The following BTBD16 variants were observed in gnomAD, a reference collection of about 807,000 sequenced individuals.
BTBD16 encodes the protein BTB domain containing 16.
Under a neutral mutation model 67.4 loss-of-function variants are expected in BTBD16, and 66 were observed. The ratio of observed to expected loss-of-function variants is 0.98; its 90% confidence interval spans 0.80 to 1.20. BTBD16 has a LOEUF of 1.20. Among genes scored for constraint, BTBD16 ranks in the 50% most tolerant of loss-of-function variants. The pLI, the probability that BTBD16 is intolerant of heterozygous loss-of-function variation, is 0.00. For synonymous variants in BTBD16, 242 were observed against 236.4 expected (o/e 1.02, Z -0.22); for missense variants, 634 against 616.0 (o/e 1.03, Z -0.31).
At chr10:122,285,345 G>A (rs1370511882) in intron 4 of BTBD16, among the ~76,000 whole-genome samples, 1 of 152,134 alleles carries the variant, frequency 6.6e-6, no homozygotes, top group East Asian at 1.9e-4. Flanking sequence ...TCTTCTTTTA[G>A]TGATCACTGA....
chr10:122,288,048 T>C (rs2096367074), intron 5 of BTBD16, among the ~76,000 whole-genome samples: 1 of 149,448 alleles, frequency 6.7e-6, no homozygotes, highest in Non-Finnish European at 1.5e-5. Context: ...CCTTCTTTTC[T>C]TCCTTCCTTC....
At chr10:122,301,988 T>C (rs1301157219) in intron 9 of BTBD16, among the ~76,000 whole-genome samples, 3 of 152,202 alleles carry the variant, frequency 2.0e-5, no homozygotes, top group Non-Finnish European at 2.9e-5. Flanking sequence ...AGGAGTCACG[T>C]GGCCCCGGAG....
intron 15 of BTBD16, 144 bp downstream of exon 15, chr10:122,336,826 A>G: frequency 1.4e-6 from 1 of 693,088 alleles, no homozygotes; most frequent in Admixed American, 3.7e-5. Context: ...GGATTATCAC[A>G]GCCTCAAATA....
chr10:122,300,001 T>C (rs1417609062), intron 9 of BTBD16, among the ~76,000 whole-genome samples: 3 of 152,196 alleles, frequency 2.0e-5, no homozygotes, highest in Non-Finnish European at 1.5e-5. Context: ...CCCATCCTCC[T>C]ACCTGAAATG....
intron 10 of BTBD16, among the ~76,000 whole-genome samples, chr10:122,315,667 A>G (rs1034122292): frequency 6.6e-6 from 1 of 152,186 alleles, no homozygotes; most frequent in African/African-American, 2.4e-5. Context: ...AGTTATAGAT[A>G]GAATGTTCTT....
intron 10 of BTBD16, among the ~76,000 whole-genome samples, chr10:122,315,695 A>C (rs900625158): frequency 1.3e-5 from 2 of 152,196 alleles, no homozygotes; most frequent in Admixed American, 6.5e-5. Flanking sequence ...AGTATTATTA[A>C]GATTTTATGG....
chr10:122,299,828 CTG>C (rs1370854037), intron 9 of BTBD16, among the ~76,000 whole-genome samples: 1 of 152,194 alleles, frequency 6.6e-6, no homozygotes, highest in African/African-American at 2.4e-5. Context: ...TGACCTCTAA[CTG>C]TCTTGCTTCT....
intron 5 of BTBD16, among the ~76,000 whole-genome samples, chr10:122,287,675 A>G (rs1308555529): frequency 6.6e-6 from 1 of 152,156 alleles, no homozygotes; most frequent in East Asian, 1.9e-4. Context: ...TCTCACGGTT[A>G]TCACTTTCAT....
At chr10:122,306,411 A>C (rs7077954) in intron 9 of BTBD16, among the ~76,000 whole-genome samples, 3,688 of 152,262 alleles carry the variant, frequency 0.024, 143 homozygotes, top group African/African-American at 0.081. Flanking sequence ...TCATCCACTC[A>C]CCTCATCCAC....
chr10:122,280,252 A>G (rs1327517213), intron 3 of BTBD16, among the ~76,000 whole-genome samples: 3 of 152,234 alleles, frequency 2.0e-5, no homozygotes, highest in Non-Finnish European at 4.4e-5. Flanking sequence ...AGTGTCTGGC[A>G]CATATACGCT....
intron 3 of BTBD16, among the ~76,000 whole-genome samples, chr10:122,282,646 A>G (rs372721003): frequency 3.9e-5 from 6 of 152,368 alleles, no homozygotes; most frequent in African/African-American, 1.4e-4. Flanking sequence ...TAACACGATG[A>G]GTCCATGGTG....
chr10:122,313,859 C>T lies in BTBD16; in HGVS notation c.911+6551C>T, dbSNP rs537155067. Among the ~76,000 whole-genome samples, 10 of 152,262 alleles carry T rather than the reference C, an allele frequency of 6.6e-5. 1 individual carries two copies. The South Asian group carries it at 1.9e-3, about 28-fold the overall frequency. On this transcript the variant is annotated intron_variant, in intron 10 of 15. Coordinates refer to ENST00000260723, the MANE Select transcript of BTBD16 (RefSeq NM_144587.5). ...CTATGTGTTAAATGTTAGTGTCATA[C>T]GACTATATGTATGACATATACATCA...
chr10:122,331,720 G>C (rs1314882532), intron 12 of BTBD16, among the ~76,000 whole-genome samples: 2 of 152,182 alleles, frequency 1.3e-5, no homozygotes, highest in African/African-American at 2.4e-5. Context: ...CATGCAAACT[G>C]TGGTAGTTCT....
At chr10:122,284,041 T>TCTC (rs1311201985) in intron 4 of BTBD16, 117 bp downstream of exon 4, 3 of 719,446 alleles carry the variant, frequency 4.2e-6, no homozygotes, top group Non-Finnish European at 7.4e-6. Context: ...AAGTTGCAAT[T>TCTC]CTCATCCACT....
At chr10:122,301,213 C>T (rs552271876) in intron 9 of BTBD16, among the ~76,000 whole-genome samples, 1 of 152,236 alleles carries the variant, frequency 6.6e-6, no homozygotes, top group African/African-American at 2.4e-5. Context: ...CATTGTCCCT[C>T]CCTTGGAAAG....
intron 3 of BTBD16, among the ~76,000 whole-genome samples, chr10:122,279,072 A>G (rs1177867409): frequency 6.6e-6 from 1 of 152,220 alleles, no homozygotes; most frequent in Non-Finnish European, 1.5e-5. Flanking sequence ...CCGTCTCCTT[A>G]TGGAGAGAAA....
intron 10 of BTBD16, among the ~76,000 whole-genome samples, chr10:122,321,068 A>G (rs907696892): frequency 2.0e-5 from 3 of 152,044 alleles, no homozygotes; most frequent in South Asian, 2.1e-4. Flanking sequence ...TGTGTACCCA[A>G]TGTTTAGCTT....
intron 3 of BTBD16, among the ~76,000 whole-genome samples, chr10:122,281,394 T>G (rs372296221): frequency 2.0e-5 from 3 of 152,056 alleles, no homozygotes; most frequent in East Asian, 1.9e-4. Context: ...TTTTGTTTTT[T>G]TAAAGAGATT....
chr10:122,320,257 C>A lies in BTBD16; in HGVS notation c.912-9223C>A, dbSNP rs190265792. On this transcript the variant is annotated intron_variant, in intron 10 of 15. Coordinates refer to ENST00000260723, the MANE Select transcript of BTBD16 (RefSeq NM_144587.5). ...TGATCAGAAGTGGTGAGAGAGTGGA[C>A]CTTCTTGCCTTGTTCTAGAATACAG... is the stretch of plus-strand genomic sequence containing the variant. 4.0e-3 allele frequency among the ~76,000 whole-genome samples: 603 copies of A among 152,112 alleles called. 2 individuals are homozygous for A. Among genetic ancestry groups the A allele is most frequent in the African/African-American group, 0.014 (578 of 41,518 alleles).
Sources: gnomAD v4.1 joint callset for allele counts (sites outside exome capture counted in the v4.1 genomes callset) on GRCh38, gnomAD v4.1.1 for gene constraint, MANE v1.5 for transcripts, NCBI Gene and HGNC (gene_info 2026-07-23, HGNC 2026-07-21) for gene names.